TBC1D17: variants seen among roughly 807,000 people sequenced by gnomAD.
TBC1D17 encodes the protein TBC1 domain family, member 17.
Under a neutral mutation model 78.8 loss-of-function variants are expected in TBC1D17, and 69 were observed. The ratio of observed to expected loss-of-function variants is 0.88; its 90% CI spans 0.72 to 1.07. TBC1D17 has a LOEUF of 1.07. TBC1D17 is among the 50% of genes least tolerant of loss of function. TBC1D17 has a pLI of 0.00. For synonymous variants in TBC1D17, 456 were observed against 358.3 expected (o/e 1.27, Z -3.08); for missense variants, 957 against 861.0 (o/e 1.11, Z -1.39).
chr19:49,882,642 G>C, intron 7 of TBC1D17, 122 bp from the exon 8 acceptor site: 1 of 1,420,250 alleles, frequency 7.0e-7, no homozygotes, highest in Non-Finnish European at 9.2e-7. Context: ...AGAGGCTGCT[G>C]CCTGCCCCTG....
Position 49,880,323 on chromosome 19 carries a change from C to A in TBC1D17, c.240C>A (p.Thr80=), listed in dbSNP as rs1217452181. ...GDSCASEEEP[T]FDPGYEPDWA... Reference sequence around the variant, plus strand: ...CATGTGCTTCTGAGGAGGAACCAACCTTTGACCCCGGCTATGAACCTGACT... The same window carrying A: ...CATGTGCTTCTGAGGAGGAACCAACATTTGACCCCGGCTATGAACCTGACT... The change falls in exon 4 of 17, where the codon ACC becomes ACA. Residue 80 remains threonine (T), a synonymous_variant. Transcript: ENST00000221543. The A allele has an allele frequency of 6.2e-7, 1 of 1,614,098 alleles. No homozygotes were observed. Among genetic ancestry groups the A allele is most frequent in the Admixed American group, 1.7e-5 (1 of 60,022 alleles).
In TBC1D17 at chr19:49,883,706, C is replaced by T. The variant is rs747740250; in HGVS notation, c.1087C>T (p.Arg363Trp). ...QWKSVSPEQE[R>W]RNSLLHGYRS... is the part of the protein sequence containing the mutation. ...GAAATCTGTGAGCCCTGAGCAGGAG[C>T]GGAGAAACTCACTTCTGCATGGATA... Residue 363 changes from arginine to tryptophan, a missense_variant, in exon 10 of 17, where the codon CGG becomes TGG. Arg to Trp is a moderately radical substitution (Grantham distance 101). Transcript: ENST00000221543. 69 of 1,613,842 alleles carry T rather than the reference C, an allele frequency of 4.3e-5. No individual in the cohort carries two copies. Among genetic ancestry groups the T allele is most frequent in the Middle Eastern group, 1.7e-4 (1 of 6,036 alleles).
In TBC1D17 at chr19:49,881,218, C is replaced by T. The variant is rs201633035; in HGVS notation, c.320-50C>T. Reference sequence around the variant, plus strand: ...ACATCCTGGGTTGTGGTTGATAAGGCTGACTCTGGCTTCCCACGCGCTTCC... The same window carrying T: ...ACATCCTGGGTTGTGGTTGATAAGGTTGACTCTGGCTTCCCACGCGCTTCC... On this transcript the variant is annotated intron_variant, in intron 4 of 16. Transcript: ENST00000221543. The T allele has an allele frequency of 1.5e-4, 232 of 1,542,210 alleles. 1 individual carries two copies. The African/African-American group carries it at 2.6e-3, about 17-fold the overall frequency.
chr19:49,887,902 C>A, intron 15 of TBC1D17, 68 bp downstream of exon 15: 1 of 1,311,468 alleles, frequency 7.6e-7, no homozygotes, highest in African/African-American at 1.5e-5. Flanking sequence ...CGCAGTACCT[C>A]CGGGGAGCAG....
rs778130399 is a variant in TBC1D17, at chr19:49,881,968, G to A, written c.528-73G>A. On this transcript the variant is annotated intron_variant, in intron 5 of 16. Transcript: ENST00000221543. ...GGACGCTGCAGCTGGAACCGATGTC[G>A]GCCGAGCACAGACAGCCTGGGACAC... The A allele has an allele frequency of 1.9e-5, 26 of 1,340,920 alleles. 1 individual carries two copies. The highest frequency in any genetic ancestry group is 6.8e-5 in the Admixed American group (4 of 58,704). 83.1% of individuals were successfully genotyped at this position (1,340,920 alleles called of 1,614,324 possible).
At chr19:49,883,164 T>C in intron 9 of TBC1D17, 88 bp downstream of exon 9, 1 of 1,213,464 alleles carries the variant, frequency 8.2e-7, no homozygotes, top group Non-Finnish European at 1.2e-6. Flanking sequence ...ACGCTGGTTG[T>C]GAACCTGCTG....
At chr19:49,877,793 C>T in intron 1 of TBC1D17, 49 bp downstream of exon 1, 1 of 1,557,066 alleles carries the variant, frequency 6.4e-7, no homozygotes, top group East Asian at 2.3e-5. Context: ...CGAAACGCCC[C>T]GTCTAGTGAT....
chr19:49,884,482 C>G lies in TBC1D17; in HGVS notation c.1267C>G (p.Leu423Val). 6.2e-7 allele frequency: 1 copy of G among 1,614,142 alleles called. No individual in the cohort carries two copies. Among genetic ancestry groups the G allele is most frequent in the Non-Finnish European group, 8.5e-7 (1 of 1,180,004 alleles). ...DLGYVQGMSDLLSPILYVIQN... is the reference protein window; with the variant it reads ...DLGYVQGMSDVLSPILYVIQN... ...AGGCTACGTCCAGGGCATGAGTGAT[C>G]TTCTCTCCCCGATCCTCTACGTCAT... Residue 423 changes from leucine (L) to valine (V), a missense_variant, in exon 12 of 17, where the codon CTT becomes GTT. Coordinates refer to ENST00000221543, the MANE Select transcript of TBC1D17 (RefSeq NM_024682.3).
intron 13 of TBC1D17, chr19:49,886,521 G>A (rs1006419374): frequency 2.6e-5 from 4 of 152,110 alleles, no homozygotes; most frequent in Non-Finnish European, 2.9e-5. Flanking sequence ...TTGACTGCGC[G>A]GCATTGTGTC....
intron 9 of TBC1D17, 35 bp from the exon 10 acceptor site, chr19:49,883,616 G>A (rs1356957065): frequency 1.3e-6 from 2 of 1,593,610 alleles, no homozygotes; most frequent in Non-Finnish European, 1.7e-6. Context: ...TGCAGACAGT[G>A]GCGGCCTCAC....
intron 3 of TBC1D17, chr19:49,879,385 A>C (rs1251032730): frequency 6.6e-6 from 1 of 152,274 alleles, no homozygotes; most frequent in East Asian, 1.9e-4. Context: ...TGAGCTGACC[A>C]CCTGCGCTGC....
rs1377666230 is a variant in TBC1D17 at position 49,882,066 on chromosome 19, C to T, written c.553C>T (p.Leu185Phe). 6.2e-7 allele frequency: 1 copy of T among 1,614,118 alleles called. No individual in the cohort carries two copies. The highest frequency in any genetic ancestry group is 1.3e-5 in the African/African-American group (1 of 75,046). Residue 185 changes from leucine to phenylalanine, a missense_variant, in exon 6 of 17, where the codon CTT becomes TTT. Leu to Phe is a conservative substitution (Grantham distance 22). Transcript: ENST00000221543. ...ASSPQDSRLYLVFPHDSSALS... is the reference protein window; with the variant it reads ...ASSPQDSRLYFVFPHDSSALS... ...CTCCCCGCAGGACTCCCGCCTCTAC[C>T]TTGTCTTCCCCCACGACTCCTCTGC...
intron 13 of TBC1D17, 114 bp from the exon 14 acceptor site, chr19:49,887,362 G>C (rs2075067029): frequency 3.6e-6 from 4 of 1,101,096 alleles, no homozygotes; most frequent in Non-Finnish European, 5.4e-6. Context: ...AGGTTCCCCA[G>C]CCAGGCATAA....
At position 49,884,285 on chromosome 19, in the gene TBC1D17, A is replaced by G. The variant is rs1250413628; in HGVS notation, c.1159A>G (p.Lys387Glu). 2.5e-6 allele frequency: 4 copies of G among 1,613,818 alleles called. No homozygotes were observed. The highest frequency in any genetic ancestry group is 1.7e-5 in the Admixed American group (1 of 60,002). The stretch of plus-strand genomic sequence containing the variant: ...TGTGAGCCGCACTGACAGGACCAAC[A>G]AGTTCTACGAGGGTCCCGAGAACCC... ...RDVSRTDRTN[K>E]FYEGPENPGL... is the part of the protein sequence containing the mutation. The change falls in exon 11 of 17, where the codon AAG (lysine) becomes GAG (glutamate). Residue 387 changes from lysine to glutamate, a missense_variant. Transcript: ENST00000221543.
rs751408473 is a variant in TBC1D17 at position 49,882,274 on chromosome 19, C to A, written c.672C>A (p.Phe224Leu). ...TCCAGGATCCCTACTCCACCACCTT[C>A]AGCAGCTTCTCCCGAGTGACCAACT... Reference protein sequence around the residue: ...RFLQDPYSTTFSSFSRVTNFF... With the variant: ...RFLQDPYSTTLSSFSRVTNFF... The change falls in exon 7 of 17, where the codon TTC (phenylalanine) becomes TTA (leucine). Residue 224 changes from phenylalanine (F) to leucine (L), a missense_variant. Phe to Leu is a conservative substitution (Grantham distance 22). Coordinates refer to ENST00000221543, the MANE Select transcript of TBC1D17 (RefSeq NM_024682.3). 1 of 1,612,420 alleles carries A rather than the reference C, an allele frequency of 6.2e-7. No individual in the cohort carries two copies. Among genetic ancestry groups the A allele is most frequent in the Admixed American group, 1.7e-5 (1 of 60,030 alleles).
intron 3 of TBC1D17, among the ~76,000 whole-genome samples, chr19:49,879,846 T>A (rs1237446731): frequency 1.5e-5 from 1 of 65,396 alleles, no homozygotes; most frequent in Non-Finnish European, 2.5e-5. Flanking sequence ...TACTTTCTTT[T>A]TTCTTTTTTT....
intron 3 of TBC1D17, 128 bp from the exon 4 acceptor site, chr19:49,880,151 C>T: frequency 8.1e-7 from 1 of 1,241,676 alleles, no homozygotes; most frequent in Non-Finnish European, 1.1e-6. Context: ...AGCCACCGCA[C>T]CCGGCCTGCT....
intron 5 of TBC1D17, 100 bp from the exon 6 acceptor site, chr19:49,881,941 T>C: frequency 1.9e-6 from 2 of 1,033,898 alleles, no homozygotes; most frequent in East Asian, 4.7e-5. Context: ...CAGGGGTGGT[T>C]GGGACGCTGC....
At chr19:49,888,153 C>A in intron 15 of TBC1D17, 78 bp from the exon 16 acceptor site, 1 of 1,546,908 alleles carries the variant, frequency 6.5e-7, no homozygotes, top group Non-Finnish European at 8.7e-7. Flanking sequence ...TCATTGTTTC[C>A]CAGCACGAAG....
Sources: allele counts gnomAD v4.1 joint callset (sites outside exome capture counted in the v4.1 genomes callset), GRCh38; gene constraint gnomAD v4.1.1; transcripts MANE v1.5; gene names NCBI Gene and HGNC (gene_info 2026-07-23, HGNC 2026-07-21).